The following TPX2 variants were observed in gnomAD, a reference collection of about 807,000 sequenced individuals.
TPX2 encodes targeting protein for Xklp2.
Under a neutral mutation model 93.6 loss-of-function variants are expected in TPX2, and 21 were observed. The observed-to-expected ratio is 0.22, with a 90% confidence interval of 0.16 to 0.32. The LOEUF is 0.32. TPX2 is among the 10% of genes least tolerant of loss of function. The probability of loss-of-function intolerance (pLI) is 1.00; values close to 1 mark genes in which losing one functional copy is unlikely to be tolerated. For synonymous variants in TPX2, 281 were observed against 298.3 expected (o/e 0.94, Z 0.60); for missense variants, 776 against 871.1 (o/e 0.89, Z 1.37).
intron 12 of TPX2, among the ~76,000 whole-genome samples, chr20:31,790,167 C>T (rs562962271): frequency 1.4e-4 from 22 of 152,270 alleles, no homozygotes; most frequent in Non-Finnish European, 2.6e-4. Context: ...CATTTGACAA[C>T]CCATTTCTTG....
Position 31,783,765 on chromosome 20 carries a change from C to G in TPX2, c.1257C>G (p.Pro419=). The change falls in exon 12 of 18, where the codon CCC becomes CCG. Residue 419 remains proline, a synonymous_variant. Coordinates refer to ENST00000300403, the MANE Select transcript of TPX2 (RefSeq NM_012112.5). ...TACTTGAAGGTGGGCCCATCTTGCCCAAGAAACCACCTGTGAAACCACCCA... is the reference window on the plus strand; with the variant it reads ...TACTTGAAGGTGGGCCCATCTTGCCGAAGAAACCACCTGTGAAACCACCCA... ...PRILEGGPIL[P]KKPPVKPPTE... is the part of the protein sequence containing the mutation. The G allele has an allele frequency of 6.2e-7, 1 of 1,613,176 alleles. No individual in the cohort carries two copies. The highest frequency in any genetic ancestry group is 8.5e-7 in the Non-Finnish European group (1 of 1,179,740).
Position 31,801,113 on chromosome 20 carries a change from A to G in TPX2, c.*33A>G. On this transcript the variant is annotated 3_prime_UTR_variant, in exon 18 of 18. Transcript: ENST00000300403. ...TGTGAGCTGCGGATACCGCCCGGCAATGGGACCTGCTCTTAACCTCAAACC... is the reference window on the plus strand; with the variant it reads ...TGTGAGCTGCGGATACCGCCCGGCAGTGGGACCTGCTCTTAACCTCAAACC... 6.3e-7 allele frequency: 1 copy of G among 1,583,696 alleles called. No homozygotes were observed. Among genetic ancestry groups the G allele is most frequent in the Non-Finnish European group, 8.7e-7 (1 of 1,152,348 alleles).
At chr20:31,759,693 C>T (rs901526264) in intron 3 of TPX2, among the ~76,000 whole-genome samples, 1 of 151,988 alleles carries the variant, frequency 6.6e-6, no homozygotes, top group Non-Finnish European at 1.5e-5. Context: ...CCATCGCTCC[C>T]GGCTGGTTAC....
At chr20:31,771,449 G>A (rs1031125149) in intron 6 of TPX2, 111 bp from the exon 7 acceptor site, 1 of 1,355,520 alleles carries the variant, frequency 7.4e-7, no homozygotes, top group African/African-American at 1.5e-5. Context: ...AAGCATGCTT[G>A]TTATCCTATA....
chr20:31,779,099 G>A, intron 10 of TPX2, 115 bp downstream of exon 10: 8 of 1,181,416 alleles, frequency 6.8e-6, no homozygotes, highest in Non-Finnish European at 9.2e-6. Context: ...TTAAAGTATG[G>A]CGTGTGACTA....
intron 1 of TPX2, among the ~76,000 whole-genome samples, chr20:31,740,604 T>C (rs893302751): frequency 3.3e-5 from 5 of 152,314 alleles, no homozygotes; most frequent in East Asian, 3.9e-4. Context: ...TGTACAGATA[T>C]ATGATGTACT....
chr20:31,766,591 A>C lies in TPX2; in HGVS notation c.265A>C (p.Asn89His). ...TTACTACAAAGAGGCAGAAAAAGAA[A>C]ATCTTGTGGAACAATCCATTCCGTC... is the stretch of plus-strand genomic sequence containing the variant. ...NTYYKEAEKENLVEQSIPSNA... is the reference protein window; with the variant it reads ...NTYYKEAEKEHLVEQSIPSNA... Residue 89 changes from asparagine to histidine, a missense_variant, in exon 5 of 18, where the codon AAT becomes CAT. Asn to His is a moderately conservative substitution (Grantham distance 68). This residue lies in a region of TPX2 where 279 missense variants were observed against 261.6 expected (regional missense o/e 1.07). Transcript: ENST00000300403. The C allele has an allele frequency of 6.2e-7, 1 of 1,613,540 alleles. No individual in the cohort carries two copies. Among genetic ancestry groups the C allele is most frequent in the South Asian group, 1.1e-5 (1 of 91,022 alleles).
At position 31,783,757 on chromosome 20, in the gene TPX2, A is replaced by G. The variant is rs143594885; in HGVS notation, c.1249A>G (p.Ile417Val). 1.4e-5 allele frequency: 22 copies of G among 1,613,556 alleles called. No individual in the cohort carries two copies. Among genetic ancestry groups the G allele is most frequent in the Middle Eastern group, 3.3e-4 (2 of 6,056 alleles). Residue 417 changes from isoleucine (I) to valine (V), a missense_variant, in exon 12 of 18, where the codon ATC becomes GTC. By Grantham distance (29) the Ile-to-Val change is conservative. Around this residue, in one of 3 missense-constraint regions of TPX2, gnomAD observed 461 missense variants for 551.2 expected, o/e 0.84. Coordinates refer to ENST00000300403, the MANE Select transcript of TPX2 (RefSeq NM_012112.5). ...LDPRILEGGP[I>V]LPKKPPVKPP... is the part of the protein sequence containing the mutation. ...TCCCAGAATACTTGAAGGTGGGCCC[A>G]TCTTGCCCAAGAAACCACCTGTGAA...
Position 31,797,433 on chromosome 20 carries a change from A to G in TPX2, c.1863A>G (p.Glu621=), listed in dbSNP as rs1404362482. Residue 621 remains glutamate (E), a synonymous_variant, in exon 16 of 18, where the codon GAA becomes GAG. Transcript: ENST00000300403. ...QLEEELRQQK[E]AACFKARPNT... ...AAGAAGAACTGAGACAGCAGAAAGA[A>G]GCAGCTTGTTTCAAGGCTCGTCCAA... The G allele has an allele frequency of 6.2e-7, 1 of 1,614,052 alleles. No individual in the cohort carries two copies. The highest frequency in any genetic ancestry group is 8.5e-7 in the Non-Finnish European group (1 of 1,180,006).
In TPX2 at chr20:31,754,332, C is replaced by T. The variant is rs6060927; in HGVS notation, c.-70-3075C>T. ...CTGACCTCAAGTGATCCTCCCGCCGCGTCCTCCCAAAGTGCTGGGATTACA... is the reference window on the plus strand; with the variant it reads ...CTGACCTCAAGTGATCCTCCCGCCGTGTCCTCCCAAAGTGCTGGGATTACA... On this transcript the variant is annotated intron_variant, in intron 2 of 17. Coordinates refer to ENST00000300403, the MANE Select transcript of TPX2 (RefSeq NM_012112.5). Among the ~76,000 whole-genome samples, 38 of 152,188 alleles carry T rather than the reference C, an allele frequency of 2.5e-4. 1 individual carries two copies. The highest frequency in any genetic ancestry group is 1.5e-3 in the South Asian group (7 of 4,818).
intron 8 of TPX2, among the ~76,000 whole-genome samples, chr20:31,777,142 A>C (rs1321043818): frequency 6.6e-6 from 1 of 152,150 alleles, no homozygotes; most frequent in African/African-American, 2.4e-5. Context: ...TGCTGAGTTA[A>C]CTGTGCTTTC....
At chr20:31,762,373 A>G (rs2061895351) in intron 4 of TPX2, among the ~76,000 whole-genome samples, 1 of 152,120 alleles carries the variant, frequency 6.6e-6, no homozygotes, top group South Asian at 2.1e-4. Flanking sequence ...TTTTTGAGAC[A>G]GAGTCTCACT....
At chr20:31,744,634 G>A (rs1289875965) in intron 2 of TPX2, among the ~76,000 whole-genome samples, 1 of 152,020 alleles carries the variant, frequency 6.6e-6, no homozygotes, top group African/African-American at 2.4e-5. Flanking sequence ...CTGGGCTCAA[G>A]TGATCTTCCT....
chr20:31,743,757 G>A (rs1240720373), intron 2 of TPX2, among the ~76,000 whole-genome samples: 1 of 143,858 alleles, frequency 7.0e-6, no homozygotes, highest in African/African-American at 2.6e-5. Context: ...GCAGAGTTTC[G>A]CTCTTGTTGC....
chr20:31,799,897 CAAA>C (rs533016889), intron 17 of TPX2, among the ~76,000 whole-genome samples: 85 of 63,976 alleles, frequency 1.3e-3, no homozygotes, highest in African/African-American at 3.9e-3. Flanking sequence ...GAGACTGTCT[CAAA>C]AAAAAAAAAA....
chr20:31,746,366 A>G (rs1005769951), intron 2 of TPX2, among the ~76,000 whole-genome samples: 1 of 152,218 alleles, frequency 6.6e-6, no homozygotes, highest in African/African-American at 2.4e-5. Flanking sequence ...TCTGGGTAAG[A>G]TGAAAGTAAC....
chr20:31,743,864 C>T lies in TPX2; in HGVS notation c.-71+1217C>T, dbSNP rs550356125. Among the ~76,000 whole-genome samples the T allele has an allele frequency of 1.9e-4, 28 of 149,158 alleles. 1 individual carries two copies. In the South Asian group the frequency reaches 5.6e-3, roughly 30 times the overall value. On this transcript the variant is annotated intron_variant, in intron 2 of 17. Transcript: ENST00000300403. ...GTCTCAGCCTCCCGAGTAGCTGGGA[C>T]TACAGGCATGCCACACCTGGCTAAT...
Position 31,784,941 on chromosome 20 carries a change from C to T in TPX2, c.1413+1020C>T, listed in dbSNP as rs2062056225. Among the ~76,000 whole-genome samples, 3 of 152,214 alleles carry T rather than the reference C, an allele frequency of 2.0e-5. No individual in the cohort carries two copies. In the South Asian group the frequency reaches 6.2e-4, roughly 32 times the overall value. ...CAGGTCCGGGATAACTCTAGAAGCA[C>T]TCTGTTTTCCTATCTTCTTTCTTTT... is the stretch of plus-strand genomic sequence containing the variant. On this transcript the variant is annotated intron_variant, in intron 12 of 17. Transcript: ENST00000300403.
chr20:31,753,305 CTG>C (rs1198332485), intron 2 of TPX2, among the ~76,000 whole-genome samples: 25 of 152,274 alleles, frequency 1.6e-4, no homozygotes, highest in African/African-American at 6.0e-4. Context: ...TTTTACGTAA[CTG>C]TGTGATACTG....
Sources: gnomAD v4.1 joint callset for allele counts (sites outside exome capture counted in the v4.1 genomes callset) on GRCh38, gnomAD v4.1.1 for gene constraint, gnomAD v4.1.1 regional missense constraint, MANE v1.5 for transcripts, NCBI Gene and HGNC (gene_info 2026-07-23, HGNC 2026-07-21) for gene names.